The following PPP2R3B variants were observed in gnomAD, a reference collection of about 807,000 sequenced individuals.
PPP2R3B encodes the protein protein phosphatase 2 regulatory subunit B''beta, also known as serine/threonine-protein phosphatase 2A regulatory subunit B'' subunit beta.
PPP2R3B carries 68 observed loss-of-function variants against 72.9 expected under a neutral mutation model. The observed-to-expected ratio is 0.93, with a 90% CI of 0.77 to 1.14. The LOEUF (loss-of-function observed/expected upper bound fraction) is 1.14, where lower values mean the gene tolerates loss of function less well. Ranked by LOEUF, PPP2R3B falls within the 50% of genes most tolerant of loss-of-function variation. The pLI is 0.00. For missense variants in PPP2R3B, 1,018 were observed against 842.0 expected, an observed-to-expected ratio of 1.21 and a Z score of -2.59; for synonymous variants, 466 against 375.8, an observed-to-expected ratio of 1.24 and a Z score of -2.78.
At chrX:368,929 TAGAC>T (rs1157834603) in intron 1 of PPP2R3B, among the ~76,000 whole-genome samples, 12 of 152,062 alleles carry the variant, frequency 7.9e-5, no homozygotes, top group African/African-American at 2.9e-4. Flanking sequence ...TGGGCACTAA[TAGAC>T]GAGAGATGGA....
At position 376,433 on chromosome X, in the gene PPP2R3B, A is replaced by ACGGGCCTTGCACAGTGGG. The variant is rs1569416369; in HGVS notation, c.324+9934_324+9935insCCCACTGTGCAAGGCCCG. Among the ~76,000 whole-genome samples the ACGGGCCTTGCACAGTGGG allele has an allele frequency of 7.4e-5, 8 of 107,716 alleles. 1 individual carries two copies. Among genetic ancestry groups the ACGGGCCTTGCACAGTGGG allele is most frequent in the Middle Eastern group, 4.7e-3 (1 of 214 alleles). The allele number at this position is 107,716 out of a possible 152,430, so 70.7% of individuals were successfully genotyped here. On this transcript the variant is annotated intron_variant, in intron 1 of 12. Transcript: ENST00000390665. ...GGACAGGGCTGTCCACACTCGACAG[A>ACGGGCCTTGCACAGTGGG]GCCCCCATGGGGCCATCCACTACCG...
chrX:355,373 C>T (rs373166316), intron 2 of PPP2R3B, among the ~76,000 whole-genome samples: 3 of 152,296 alleles, frequency 2.0e-5, no homozygotes, highest in Non-Finnish European at 2.9e-5. Context: ...AGAGCTGGAC[C>T]GCGTTCATGA....
chrX:337,462 GAGA>G (rs1341705621), intron 12 of PPP2R3B: 4 of 152,246 alleles, frequency 2.6e-5, no homozygotes, highest in Non-Finnish European at 4.4e-5. Flanking sequence ...AAGCAGAACT[GAGA>G]AGCTCAGCAC....
rs776272253 is a variant in PPP2R3B, at chrX:334,441, C to T, written c.1654G>A (p.Glu552Lys). Residue 552 changes from glutamate (E) to lysine (K), a missense_variant, in exon 13 of 13, where the codon GAG (glutamate) becomes AAG (lysine). Coordinates refer to ENST00000390665, the MANE Select transcript of PPP2R3B (RefSeq NM_013239.5). ...RSPLAQRPFF[E>K]APSPLGAVDL... ...ACGGCGCCCAGCGGTGAGGGCGCCTCGAAGAAGGGCCTCTGGGCCAGCGGG... is the reference window on the plus strand; with the variant it reads ...ACGGCGCCCAGCGGTGAGGGCGCCTTGAAGAAGGGCCTCTGGGCCAGCGGG... 48 of 1,595,714 alleles carry T rather than the reference C, an allele frequency of 3.0e-5. No homozygotes were observed. Among genetic ancestry groups the T allele is most frequent in the Middle Eastern group, 2.2e-4 (1 of 4,644 alleles).
chrX:341,963 C>T (rs1323316334), intron 7 of PPP2R3B, 32 bp from the exon 8 acceptor site: 7 of 1,612,000 alleles, frequency 4.3e-6, no homozygotes, highest in Non-Finnish European at 5.9e-6. Context: ...GGGCAGCCCG[C>T]ACCGTGCCTC....
At chrX:350,927 C>T (rs1480055683) in intron 2 of PPP2R3B, among the ~76,000 whole-genome samples, 3 of 152,064 alleles carry the variant, frequency 2.0e-5, no homozygotes, top group Non-Finnish European at 2.9e-5. Context: ...GTGCCCCAGG[C>T]GAGAGGAGCC....
intron 1 of PPP2R3B, among the ~76,000 whole-genome samples, chrX:383,644 C>T (rs1278854748): frequency 4.5e-4 from 68 of 150,946 alleles, no homozygotes; most frequent in Admixed American, 7.3e-4. Flanking sequence ...AAGACCATCC[C>T]GGCTAACACG....
rs1457576336 is a variant in PPP2R3B at position 354,054 on chromosome X, A to G, written c.511-6361T>C. On this transcript the variant is annotated intron_variant, in intron 2 of 12. Transcript: ENST00000390665. ...CGCCCAGGGACCAGGGGCTCACCCA[A>G]AGACCGGGGCTCGCCCAAAGACCGG... is the stretch of plus-strand genomic sequence containing the variant. Among the ~76,000 whole-genome samples, 5 of 138,690 alleles carry G rather than the reference A, an allele frequency of 3.6e-5. 1 individual carries two copies. Among genetic ancestry groups the G allele is most frequent in the South Asian group, 2.3e-4 (1 of 4,280 alleles). 91.0% of individuals were successfully genotyped at this position (138,690 alleles called of 152,430 possible).
chrX:342,408 T>G (rs372368420), intron 7 of PPP2R3B, among the ~76,000 whole-genome samples: 1,453 of 30,018 alleles, frequency 0.048, 5 homozygotes, highest in Middle Eastern at 0.1. Context: ...GAGGCGGGAG[T>G]GAGACCTCAG....
intron 12 of PPP2R3B, chrX:334,813 G>C (rs2070845383): frequency 1.1e-5 from 4 of 362,412 alleles, no homozygotes; most frequent in Middle Eastern, 7.0e-4. Context: ...CCCAAAGCGA[G>C]CTGCACGGGA....
In PPP2R3B at chrX:334,043, G is replaced by A. The variant is rs182799168; in HGVS notation, c.*324C>T. The A allele has an allele frequency of 1.4e-3, 375 of 263,484 alleles. 1 individual carries two copies. The highest frequency in any genetic ancestry group is 9.6e-3 in the East Asian group (139 of 14,456). The allele number at this position is 263,484 out of a possible 1,614,324, so 16.3% of individuals were successfully genotyped here. ...TCCAGGACTGAGGCGCCCGGGAGCC[G>A]CCGGTCACCGTTGTGCGCACACGGA... On this transcript the variant is annotated 3_prime_UTR_variant, in exon 13 of 13. Transcript: ENST00000390665.
In PPP2R3B at chrX:348,360, G is replaced by A. The variant is rs189587911; in HGVS notation, c.511-667C>T. Among the ~76,000 whole-genome samples the A allele has an allele frequency of 7.1e-3, 1,088 of 152,242 alleles. 11 individuals are homozygous for A. Among genetic ancestry groups the A allele is most frequent in the South Asian group, 0.036 (175 of 4,826 alleles). On this transcript the variant is annotated intron_variant, in intron 2 of 12. Coordinates refer to ENST00000390665, the MANE Select transcript of PPP2R3B (RefSeq NM_013239.5). Reference sequence around the variant, plus strand: ...GGAGGCCGAGGGGGGTGGATCACCTGAGGTCAGGAGTTCGAGACCAGCCTG... The same window carrying A: ...GGAGGCCGAGGGGGGTGGATCACCTAAGGTCAGGAGTTCGAGACCAGCCTG...
chrX:346,440 G>C (rs1176857614), intron 5 of PPP2R3B, 180 bp from the exon 6 acceptor site: 1 of 662,060 alleles, frequency 1.5e-6, no homozygotes, highest in Non-Finnish European at 2.5e-6. Context: ...CGCGGAAAGC[G>C]GGGAGGGTCT....
chrX:379,136 T>C (rs2072064985), intron 1 of PPP2R3B, among the ~76,000 whole-genome samples: 1 of 151,252 alleles, frequency 6.6e-6, no homozygotes, highest in African/African-American at 2.4e-5. Flanking sequence ...TATGCACCTA[T>C]GTGTGTGTAT....
chrX:340,701 ACCCTGGGCCGTCCTCTCG>A, intron 10 of PPP2R3B, 46 bp downstream of exon 10: 16 of 1,211,792 alleles, frequency 1.3e-5, no homozygotes, highest in East Asian at 2.6e-5. Flanking sequence ...CCGTCCCCTC[ACCCTGGGCCGTCCTCTCG>A]CCCGTCCGTC....
chrX:341,728 T>TCACGTGACAGAGA, intron 8 of PPP2R3B, 155 bp downstream of exon 8: 2 of 839,590 alleles, frequency 2.4e-6, no homozygotes, highest in East Asian at 5.0e-5. Flanking sequence ...CACTAGGGAT[T>TCACGTGACAGAGA]CACGTGACAG....
At chrX:371,449 G>C (rs2071861790) in intron 1 of PPP2R3B, among the ~76,000 whole-genome samples, 2 of 152,108 alleles carry the variant, frequency 1.3e-5, no homozygotes, top group Admixed American at 1.3e-4. Flanking sequence ...CAGGGAGGAG[G>C]AGGAGCTTGG....
intron 12 of PPP2R3B, chrX:336,633 A>G (rs2070896357): frequency 1.3e-5 from 2 of 152,280 alleles, no homozygotes; most frequent in South Asian, 4.1e-4. Context: ...CTGTCCACGC[A>G]GAAAACCCCA....
In PPP2R3B at chrX:345,351, G is replaced by T. The variant is rs774007196; in HGVS notation, c.1036+165C>A. Reference sequence around the variant, plus strand: ...GACCCAGACACGGGGCAGCGACTGGGGAAGGAGAGGCAGCTGCAGACACAG... The same window carrying T: ...GACCCAGACACGGGGCAGCGACTGGTGAAGGAGAGGCAGCTGCAGACACAG... On this transcript the variant is annotated intron_variant, in intron 7 of 12. Transcript: ENST00000390665. 4.0e-6 allele frequency: 4 copies of T among 1,000,436 alleles called. No individual in the cohort carries two copies. In the South Asian group the frequency reaches 5.5e-5, roughly 14 times the overall value. 62.0% of individuals were successfully genotyped at this position (1,000,436 alleles called of 1,614,324 possible).
Sources: allele counts gnomAD v4.1 joint callset (sites outside exome capture counted in the v4.1 genomes callset), GRCh38; gene constraint gnomAD v4.1.1; transcripts MANE v1.5; gene names NCBI Gene and HGNC (gene_info 2026-07-23, HGNC 2026-07-21).